Variants in ARSG observed in about 807,000 individuals in gnomAD.
ARSG encodes arylsulfatase G.
A neutral mutation model predicts 50.5 loss-of-function variants in ARSG; 37 were observed. The observed-to-expected ratio is 0.73, with a 90% CI of 0.56 to 0.96. The LOEUF (loss-of-function observed/expected upper bound fraction) is 0.96, where lower values mean the gene tolerates loss of function less well. Ranked by LOEUF, ARSG falls within the 50% of genes least tolerant of loss-of-function variation. ARSG has a pLI of 0.00. For synonymous variants in ARSG, 225 were observed against 254.6 expected (o/e 0.88, Z 1.11); for missense variants, 629 against 675.3 (o/e 0.93, Z 0.76).
intron 11 of ARSG, among the ~76,000 whole-genome samples, chr17:68,404,790 T>G (rs901625704): frequency 6.6e-6 from 1 of 152,226 alleles, no homozygotes; most frequent in South Asian, 2.1e-4. Context: ...TTTTGTCATA[T>G]TTTTAAAAAG....
chr17:68,340,228 G>A (rs2078206702), intron 2 of ARSG, among the ~76,000 whole-genome samples: 1 of 152,162 alleles, frequency 6.6e-6, no homozygotes, highest in Admixed American at 6.5e-5. Flanking sequence ...CTGAGTGTCA[G>A]TATGGACTAA....
intron 8 of ARSG, among the ~76,000 whole-genome samples, chr17:68,374,227 A>C (rs2080027331): frequency 6.6e-6 from 1 of 151,544 alleles, no homozygotes; most frequent in African/African-American, 2.4e-5. Context: ...TTGTTGCATT[A>C]GCTGATTACA....
chr17:68,307,868 G>A (rs552401680), intron 2 of ARSG, among the ~76,000 whole-genome samples, 157 bp downstream of exon 2: 2 of 152,252 alleles, frequency 1.3e-5, no homozygotes, highest in East Asian at 1.9e-4. Context: ...GCATAGCATC[G>A]TGAAGAAATC....
chr17:68,324,070 C>CAAAAAAA (rs57040262), intron 2 of ARSG, among the ~76,000 whole-genome samples: 13 of 89,768 alleles, frequency 1.4e-4, no homozygotes, highest in South Asian at 4.3e-4. Context: ...AAAACTCCAT[C>CAAAAAAA]AAAAAAAAAA....
At position 68,401,560 on chromosome 17, in the gene ARSG, G is replaced by A. The variant is rs1206817911; in HGVS notation, c.1303+110G>A. Reference sequence around the variant, plus strand: ...GAGTGTGAGTCCCTCCTTTGTGGGGGGTTCTCAGCACCTCTTGACAAGCGT... The same window carrying A: ...GAGTGTGAGTCCCTCCTTTGTGGGGAGTTCTCAGCACCTCTTGACAAGCGT... On this transcript the variant is annotated intron_variant, in intron 11 of 11. Coordinates refer to ENST00000621439, the MANE Select transcript of ARSG (RefSeq NM_001267727.2). The A allele has an allele frequency of 4.2e-6, 4 of 950,790 alleles. No individual in the cohort carries two copies. The Admixed American group carries it at 7.7e-5, about 18-fold the overall frequency. 58.9% of individuals were successfully genotyped at this position (950,790 alleles called of 1,614,324 possible). A position where few individuals can be genotyped will look rare whatever the true frequency, so the allele number is the denominator to read the frequency against.
Position 68,368,585 on chromosome 17 carries a change from G to A in ARSG, c.742G>A (p.Ala248Thr). The A allele has an allele frequency of 6.2e-7, 1 of 1,614,094 alleles. No individual in the cohort carries two copies. The highest frequency in any genetic ancestry group is 1.1e-5 in the South Asian group (1 of 91,068). Residue 248 changes from alanine to threonine, a missense_variant, in exon 7 of 12, where the codon GCC becomes ACC. Ala to Thr is a moderately conservative substitution (Grantham distance 58). Coordinates refer to ENST00000621439, the MANE Select transcript of ARSG (RefSeq NM_001267727.2). The part of the protein sequence containing the change: ...GRPFLLYVAL[A>T]HMHVPLPVTQ... ...GCCCTTCCTGCTCTATGTGGCTCTG[G>A]CCCACATGCACGTGCCCTTACCTGT... is the stretch of plus-strand genomic sequence containing the variant.
At chr17:68,376,101 T>C (rs181842486) in intron 8 of ARSG, among the ~76,000 whole-genome samples, 40 of 139,074 alleles carry the variant, frequency 2.9e-4, no homozygotes, top group Non-Finnish European at 5.7e-4. Flanking sequence ...CCTATATCCT[T>C]TAATTAATTA....
rs200369665 is a variant in ARSG, at chr17:68,351,691, T to C, written c.566+5T>C. ...ACAGGGTGATGGACCATCAAGGTAA[T>C]GCTGTCTGACACATTTGCGATAGGC... On this transcript the variant is annotated splice_donor_5th_base_variant and intron_variant, in intron 5 of 11. Coordinates refer to ENST00000621439, the MANE Select transcript of ARSG (RefSeq NM_001267727.2). The C allele has an allele frequency of 6.3e-7, 1 of 1,591,946 alleles. No individual in the cohort carries two copies. The highest frequency in any genetic ancestry group is 2.2e-5 in the East Asian group (1 of 44,734).
chr17:68,276,689 A>G (rs2075534366), intron 1 of ARSG, among the ~76,000 whole-genome samples: 1 of 152,168 alleles, frequency 6.6e-6, no homozygotes, highest in African/African-American at 2.4e-5. Context: ...CTAGGGCTCA[A>G]GCAATCCTTT....
intron 1 of ARSG, among the ~76,000 whole-genome samples, chr17:68,301,701 C>T (rs1308137865): frequency 2.0e-5 from 3 of 150,656 alleles, no homozygotes; most frequent in South Asian, 2.1e-4. Flanking sequence ...TCCCATCTCT[C>T]GCAGCAAAAG....
At chr17:68,297,695 G>A (rs952611568) in intron 1 of ARSG, among the ~76,000 whole-genome samples, 1 of 152,184 alleles carries the variant, frequency 6.6e-6, no homozygotes, top group Non-Finnish European at 1.5e-5. Flanking sequence ...TGGAACTCCT[G>A]GGGTCAGGTG....
chr17:68,378,947 A>G lies in ARSG; in HGVS notation c.983-6117A>G, dbSNP rs1057300245. The stretch of plus-strand genomic sequence containing the variant: ...TTTGGGGTCGGGGGTGGGGCGGGGA[A>G]AAGTCAGAGGTGCTGTGAGGTGACA... On this transcript the variant is annotated intron_variant, in intron 8 of 11. Transcript: ENST00000621439. This position sits in a 1 kb window ranked among gnomAD's most constrained non-coding sequence, Gnocchi z 4.4. 2.0e-5 allele frequency among the ~76,000 whole-genome samples: 3 copies of G among 151,880 alleles called. No homozygotes were observed. Among genetic ancestry groups the G allele is most frequent in the Non-Finnish European group, 4.4e-5 (3 of 67,932 alleles).
the ARSG span, among the ~76,000 whole-genome samples, chr17:68,442,456 C>T: frequency 7.2e-6 from 1 of 139,670 alleles, no homozygotes; most frequent in Non-Finnish European, 1.5e-5. Flanking sequence ...CAGAGTGAGA[C>T]TGTGTCTCAA....
chr17:68,280,877 C>G (rs1284782829), intron 1 of ARSG, among the ~76,000 whole-genome samples: 2 of 152,184 alleles, frequency 1.3e-5, no homozygotes, highest in African/African-American at 4.8e-5. Flanking sequence ...ATAATCCCAG[C>G]ACTTCGGGAT....
Position 68,399,661 on chromosome 17 carries a change from C to T in ARSG, c.1213-1699C>T, listed in dbSNP as rs961185644. ...GAGCCATCCCACAGTTTTGCTTCCT[C>T]GTGGATTTTGGAAGTTGCCTCTGGT... On this transcript the variant is annotated intron_variant, in intron 10 of 11. Transcript: ENST00000621439. The surrounding 1 kb of genome is among the most constrained non-coding windows in gnomAD (Gnocchi z 4.6). Among the ~76,000 whole-genome samples the T allele has an allele frequency of 5.3e-5, 8 of 152,298 alleles. No homozygotes were observed. The highest frequency in any genetic ancestry group is 9.6e-5 in the African/African-American group (4 of 41,568).
rs191410348 is a variant in ARSG at position 68,277,385 on chromosome 17, T to C, written c.-552+17959T>C. On this transcript the variant is annotated intron_variant, in intron 1 of 11. Transcript: ENST00000448504. ...GACCTCGTGATCCACCTGCCTCGGC[T>C]TTCCAAAGTGCTGGGATTACAGGCG... Among the ~76,000 whole-genome samples, 367 of 151,760 alleles carry C rather than the reference T, an allele frequency of 2.4e-3. 1 individual carries two copies. Among genetic ancestry groups the C allele is most frequent in the Admixed American group, 5.6e-3 (85 of 15,228 alleles).
chr17:68,333,820 C>T (rs759052728), intron 2 of ARSG, among the ~76,000 whole-genome samples: 28 of 151,962 alleles, frequency 1.8e-4, no homozygotes, highest in African/African-American at 5.6e-4. Context: ...AGCTAGAACT[C>T]GATTTGGACA....
chr17:68,415,979 AT>A (rs1256480584), intron 11 of ARSG, among the ~76,000 whole-genome samples: 1 of 152,044 alleles, frequency 6.6e-6, no homozygotes, highest in Admixed American at 6.6e-5. Flanking sequence ...GCTGTTTTGT[AT>A]TTTTTTAAGT....
downstream of ARSG, among the ~76,000 whole-genome samples, chr17:68,424,162 G>A (rs776401033): frequency 3.9e-5 from 6 of 152,192 alleles, no homozygotes; most frequent in Non-Finnish European, 7.3e-5. Flanking sequence ...TGCCAACAGA[G>A]GTTTTGAAGT....
Sources: gnomAD v4.1 joint callset for allele counts (sites outside exome capture counted in the v4.1 genomes callset) on GRCh38, gnomAD v4.1.1 for gene constraint, Gnocchi (gnomAD v3.1) non-coding constraint, MANE v1.5 for transcripts, NCBI Gene and HGNC (gene_info 2026-07-23, HGNC 2026-07-21) for gene names.